Variants in MAGI2 observed in about 807,000 individuals in gnomAD.
MAGI2 encodes membrane-associated guanylate kinase, WW and PDZ domain-containing protein 2.
MAGI2 carries 35 observed loss-of-function variants against 133.3 expected under a neutral mutation model. That is an observed-to-expected ratio of 0.26 (90% CI 0.20 to 0.35). The LOEUF is 0.35. Among genes scored for constraint, MAGI2 ranks in the 10% least tolerant of loss-of-function variants. The pLI is 1.00. For missense variants in MAGI2, 1,636 were observed against 1,863.4 expected (o/e 0.88, Z 2.25); for synonymous variants, 729 against 710.6 (o/e 1.03, Z -0.41).
intron 2 of MAGI2, among the ~76,000 whole-genome samples, chr7:78,849,469 A>G (rs1792935274): frequency 1.3e-5 from 2 of 152,056 alleles, no homozygotes; most frequent in Admixed American, 1.3e-4. Context: ...AGTGAATGCC[A>G]TGCAGAAGGT....
At chr7:78,063,876 C>T (rs779089322) in intron 21 of MAGI2, among the ~76,000 whole-genome samples, 1 of 152,104 alleles carries the variant, frequency 6.6e-6, no homozygotes, top group Non-Finnish European at 1.5e-5. Flanking sequence ...CATAGCAGAG[C>T]CTTTTTATTA....
At chr7:79,116,743 C>A (rs1270381736) in intron 1 of MAGI2, among the ~76,000 whole-genome samples, 1 of 152,184 alleles carries the variant, frequency 6.6e-6, no homozygotes, top group Non-Finnish European at 1.5e-5. Flanking sequence ...TAAGTTCTTG[C>A]TCAGTTCCTC....
intron 20 of MAGI2, among the ~76,000 whole-genome samples, chr7:78,083,117 T>C (rs527296459): frequency 2.9e-4 from 44 of 152,088 alleles, no homozygotes; most frequent in Middle Eastern, 3.4e-3. Flanking sequence ...CACTTTCCGC[T>C]ATCACAATCG....
chr7:79,075,062 G>A (rs2041484), intron 1 of MAGI2, among the ~76,000 whole-genome samples: 116,705 of 152,096 alleles, frequency 0.77, 45,969 homozygotes, highest in Non-Finnish European at 0.86. Flanking sequence ...AGCTCCAATT[G>A]TCAAATCCTC....
At chr7:78,249,100 T>C (rs1792106295) in intron 10 of MAGI2, among the ~76,000 whole-genome samples, 1 of 151,632 alleles carries the variant, frequency 6.6e-6, no homozygotes, top group African/African-American at 2.4e-5. Flanking sequence ...TGGCTAACAG[T>C]TATATGAAAA....
chr7:78,658,860 A>G (rs971005400), intron 2 of MAGI2, among the ~76,000 whole-genome samples: 2 of 152,242 alleles, frequency 1.3e-5, no homozygotes, highest in African/African-American at 2.4e-5. Context: ...CGTGGGATGT[A>G]TAATGGTACA....
At chr7:79,189,925 G>T (rs376255309) in intron 1 of MAGI2, among the ~76,000 whole-genome samples, 1 of 151,542 alleles carries the variant, frequency 6.6e-6, no homozygotes, top group Non-Finnish European at 1.5e-5. Flanking sequence ...TGCACTTAAG[G>T]TCCCTCCCTG....
intron 3 of MAGI2, among the ~76,000 whole-genome samples, chr7:78,555,743 T>G (rs1036230284): frequency 6.6e-5 from 10 of 152,088 alleles, no homozygotes; most frequent in Admixed American, 1.3e-4. Context: ...ATAAACATTT[T>G]TCATGGATGG....
intron 2 of MAGI2, among the ~76,000 whole-genome samples, chr7:78,729,574 G>A (rs1821168229): frequency 2.0e-5 from 3 of 152,174 alleles, no homozygotes; most frequent in Admixed American, 2.0e-4. Flanking sequence ...TGTTCTAGCT[G>A]TCAGACTAGG....
At chr7:78,696,739 T>C (rs969027559) in intron 2 of MAGI2, among the ~76,000 whole-genome samples, 1 of 152,086 alleles carries the variant, frequency 6.6e-6, no homozygotes, top group African/African-American at 2.4e-5. Context: ...AATGTAAGAG[T>C]TACTTTTCAT....
At chr7:78,039,431 G>A (rs1810575251) in intron 21 of MAGI2, 1 of 152,184 alleles carries the variant, frequency 6.6e-6, no homozygotes, top group Admixed American at 6.5e-5. Flanking sequence ...TTCCCCGCCT[G>A]GTGGAAAACC....
At chr7:78,882,787 G>C (rs1795978366) in intron 2 of MAGI2, among the ~76,000 whole-genome samples, 1 of 152,002 alleles carries the variant, frequency 6.6e-6, no homozygotes, top group Non-Finnish European at 1.5e-5. Context: ...CGCAAAGAAA[G>C]CTTTTGATAA....
chr7:78,922,799 A>T (rs1032462623), intron 2 of MAGI2, among the ~76,000 whole-genome samples: 5 of 150,518 alleles, frequency 3.3e-5, no homozygotes. Context: ...ACTAGTCTAC[A>T]GTCCCACCAA....
intron 21 of MAGI2, among the ~76,000 whole-genome samples, chr7:78,033,417 G>A (rs1419250789): frequency 4.8e-5 from 7 of 147,264 alleles, no homozygotes; most frequent in African/African-American, 1.5e-4. Flanking sequence ...AGGGTGCAGT[G>A]AGCCATGATC....
chr7:78,558,316 C>T (rs1417352612), intron 3 of MAGI2, among the ~76,000 whole-genome samples: 1 of 152,086 alleles, frequency 6.6e-6, no homozygotes, highest in African/African-American at 2.4e-5. Context: ...TGTGAGATCT[C>T]AGCTGATTCA....
At chr7:79,292,474 A>C (rs549290154) in intron 1 of MAGI2, among the ~76,000 whole-genome samples, 1 of 151,698 alleles carries the variant, frequency 6.6e-6, no homozygotes, top group Non-Finnish European at 1.5e-5. Flanking sequence ...AAAATAAAAA[A>C]ATAAAAAATT....
intron 20 of MAGI2, among the ~76,000 whole-genome samples, chr7:78,102,764 T>C (rs1294184861): frequency 6.6e-6 from 1 of 152,218 alleles, no homozygotes; most frequent in African/African-American, 2.4e-5. Flanking sequence ...CATTAAGCAG[T>C]GGAAAGTCTT....
At chr7:79,388,244 T>C (rs977020091) in intron 1 of MAGI2, among the ~76,000 whole-genome samples, 1 of 151,976 alleles carries the variant, frequency 6.6e-6, no homozygotes, top group African/African-American at 2.4e-5. Context: ...CTCTGACCCT[T>C]ATTGTTGATA....
intron 1 of MAGI2, among the ~76,000 whole-genome samples, chr7:79,167,254 T>A (rs1249666325): frequency 2.0e-5 from 3 of 151,836 alleles, no homozygotes; most frequent in Non-Finnish European, 2.9e-5. Flanking sequence ...CTTATTCACA[T>A]CCATCTAATT....
Sources: allele counts gnomAD v4.1 joint callset (sites outside exome capture counted in the v4.1 genomes callset), GRCh38; gene constraint gnomAD v4.1.1; transcripts MANE v1.5; gene names NCBI Gene and HGNC (gene_info 2026-07-23, HGNC 2026-07-21).